Variants in TRPM3 observed in about 807,000 individuals in gnomAD.
TRPM3 encodes the protein long transient receptor potential channel 3.
TRPM3 carries 77 observed loss-of-function variants against 181.2 expected under a neutral mutation model. The observed-to-expected ratio is 0.42, with a 90% CI of 0.35 to 0.51. TRPM3 has a LOEUF of 0.51. TRPM3 is among the 20% of genes least tolerant of loss of function. The pLI is 0.01. For synonymous variants in TRPM3, 745 were observed against 796.4 expected (o/e 0.94, Z 1.09); for missense variants, 1,759 against 2,196.7 (o/e 0.80, Z 3.98).
rs185930193 is a variant in TRPM3 at position 71,062,005 on chromosome 9, T to A, written c.177+59173A>T. Among the ~76,000 whole-genome samples, 306 of 152,030 alleles carry A rather than the reference T, an allele frequency of 2.0e-3. 2 individuals carry two copies. Among genetic ancestry groups the A allele is most frequent in the African/African-American group, 7.1e-3 (293 of 41,462 alleles). ...TCTTCCCCTTTGACCACAGAAGACC[T>A]CAGAAATGTGGATTGGAATGGCCCC... On this transcript the variant is annotated intron_variant, in intron 1 of 25. Transcript: ENST00000677713.
intron 1 of TRPM3, among the ~76,000 whole-genome samples, chr9:71,102,293 T>G (rs1364657685): frequency 6.6e-6 from 1 of 152,210 alleles, no homozygotes; most frequent in Non-Finnish European, 1.5e-5. Context: ...TGAGAATGAA[T>G]TTTTACTTGT....
intron 16 of TRPM3, 45 bp from the exon 17 acceptor site, chr9:70,619,140 G>A: frequency 6.5e-7 from 1 of 1,543,194 alleles, no homozygotes; most frequent in Non-Finnish European, 8.8e-7. Context: ...TCAGCTTGGA[G>A]ACTTATAAGG....
chr9:71,146,343 T>A (rs1415912985), intron 1 of TRPM3, among the ~76,000 whole-genome samples: 2 of 152,092 alleles, frequency 1.3e-5, no homozygotes, highest in African/African-American at 2.4e-5. Flanking sequence ...AAGCTCCCCC[T>A]CTACCCTGCA....
intron 1 of TRPM3, among the ~76,000 whole-genome samples, chr9:71,149,127 T>C (rs1207518696): frequency 1.3e-5 from 2 of 151,460 alleles, no homozygotes; most frequent in African/African-American, 4.9e-5. Flanking sequence ...TAGGCCGGAG[T>C]GGTAGCTCAC....
At chr9:71,113,316 T>C (rs1384297076) in intron 1 of TRPM3, among the ~76,000 whole-genome samples, 1 of 152,112 alleles carries the variant, frequency 6.6e-6, no homozygotes, top group African/African-American at 2.4e-5. Flanking sequence ...GCTAATTACA[T>C]AAGGATGGGA....
intron 9 of TRPM3, among the ~76,000 whole-genome samples, chr9:70,671,968 C>A (rs2063040331): frequency 6.7e-6 from 1 of 149,450 alleles, no homozygotes; most frequent in Non-Finnish European, 1.5e-5. Context: ...CAGGGTTTCA[C>A]CATGTTGGCC....
At chr9:70,607,331 ACT>A (rs1490621419) in intron 19 of TRPM3, among the ~76,000 whole-genome samples, 1 of 152,246 alleles carries the variant, frequency 6.6e-6, no homozygotes, top group Non-Finnish European at 1.5e-5. Context: ...ATTGAATTGT[ACT>A]GTTAAGCATG....
chr9:70,831,788 T>C (rs2093914367), intron 5 of TRPM3, among the ~76,000 whole-genome samples: 1 of 151,230 alleles, frequency 6.6e-6, no homozygotes. Context: ...GATAGCACAA[T>C]AGGATGACTA....
chr9:71,244,240 G>A (rs1158768533), intron 1 of TRPM3, among the ~76,000 whole-genome samples: 1 of 152,178 alleles, frequency 6.6e-6, no homozygotes, highest in African/African-American at 2.4e-5. Flanking sequence ...TATAAGAAAA[G>A]AGGTGGTCAG....
chr9:71,029,597 T>C (rs960645877), intron 1 of TRPM3, among the ~76,000 whole-genome samples: 6 of 152,188 alleles, frequency 3.9e-5, no homozygotes, highest in Admixed American at 3.9e-4. Context: ...TGATAATGTA[T>C]AGACAATCTA....
intron 1 of TRPM3, among the ~76,000 whole-genome samples, chr9:71,256,931 T>C (rs991769377): frequency 2.0e-5 from 3 of 152,126 alleles, no homozygotes. Context: ...TCAGGAAAAG[T>C]TGCATATTAT....
chr9:70,891,101 C>T (rs2096195003), intron 1 of TRPM3, among the ~76,000 whole-genome samples: 1 of 152,114 alleles, frequency 6.6e-6, no homozygotes, highest in South Asian at 2.1e-4. Flanking sequence ...AGCACACCAA[C>T]ATGGTACATG....
intron 1 of TRPM3, among the ~76,000 whole-genome samples, chr9:71,107,489 TCTC>T (rs766270040): frequency 1.1e-4 from 17 of 152,308 alleles, no homozygotes; most frequent in Middle Eastern, 3.4e-3. Context: ...AATTTCTTTG[TCTC>T]CTCAATTCCA....
intron 1 of TRPM3, among the ~76,000 whole-genome samples, chr9:70,927,615 T>G (rs2096733400): frequency 6.6e-6 from 1 of 152,182 alleles, no homozygotes; most frequent in Non-Finnish European, 1.5e-5. Context: ...TTGCAAAGAC[T>G]TTCTGAATGT....
intron 1 of TRPM3, among the ~76,000 whole-genome samples, chr9:71,215,707 T>C (rs1182478569): frequency 2.0e-5 from 3 of 152,252 alleles, no homozygotes; most frequent in African/African-American, 7.2e-5. Context: ...GAGAACTCAG[T>C]TCCACTTTTG....
intron 1 of TRPM3, among the ~76,000 whole-genome samples, chr9:71,097,004 A>G (rs10122126): frequency 0.043 from 6,496 of 152,186 alleles, 218 homozygotes; most frequent in African/African-American, 0.091. Context: ...AGGTGGGGGA[A>G]GAAACCAATT....
intron 1 of TRPM3, among the ~76,000 whole-genome samples, chr9:70,934,790 G>A (rs1447998738): frequency 1.3e-5 from 2 of 152,078 alleles, no homozygotes; most frequent in African/African-American, 4.8e-5. Context: ...TACAGTTGAG[G>A]CATGAGTATG....
chr9:70,852,359 T>C (rs1197103333), intron 3 of TRPM3, among the ~76,000 whole-genome samples: 1 of 152,070 alleles, frequency 6.6e-6, no homozygotes. Flanking sequence ...AAGTTCACTA[T>C]GCTAGTATGG....
rs1351016273 is a variant in TRPM3, at chr9:71,218,775, A to AT, written c.183+227877dup. Among the ~76,000 whole-genome samples the AT allele has an allele frequency of 3.3e-5, 5 of 152,252 alleles. No homozygotes were observed. The South Asian group carries it at 1.0e-3, about 32-fold the overall frequency. Reference sequence around the variant, plus strand: ...TTACGTAAAATAATAAAGCATAGCGATTTTTTTGGTAGAATGTTATGAATT... The same window carrying AT: ...TTACGTAAAATAATAAAGCATAGCGATTTTTTTTGGTAGAATGTTATGAATT... On this transcript the variant is annotated intron_variant, in intron 1 of 24. Coordinates refer to the TRPM3 transcript ENST00000357533.
Sources: gnomAD v4.1 joint callset for allele counts (sites outside exome capture counted in the v4.1 genomes callset) on GRCh38, gnomAD v4.1.1 for gene constraint, MANE v1.5 for transcripts, NCBI Gene and HGNC (gene_info 2026-07-23, HGNC 2026-07-21) for gene names.